The following FMN2 variants were observed in gnomAD, a reference collection of about 807,000 sequenced individuals.
The protein encoded by FMN2 is formin 2.
FMN2 carries 51 observed loss-of-function variants against 142.3 expected under a neutral mutation model. That is an observed-to-expected ratio of 0.36 (90% CI 0.29 to 0.45). The LOEUF (loss-of-function observed/expected upper bound fraction) is 0.45. FMN2 is among the 20% of genes least tolerant of loss of function. The probability of loss-of-function intolerance (pLI) is 1.00; values close to 1 mark genes in which losing one functional copy is unlikely to be tolerated. For missense variants in FMN2, 1,936 were observed against 2,122.8 expected (o/e 0.91, Z 1.73); for synonymous variants, 882 against 869.8 (o/e 1.01, Z -0.25).
chr1:240,204,627 T>C (rs1666256024), intron 4 of FMN2, among the ~76,000 whole-genome samples: 1 of 152,218 alleles, frequency 6.6e-6, no homozygotes, highest in Non-Finnish European at 1.5e-5. Context: ...GGCACATGCC[T>C]GTAGCCCCAG....
chr1:240,270,857 G>C (rs10926194), intron 7 of FMN2, among the ~76,000 whole-genome samples: 1 of 151,600 alleles, frequency 6.6e-6, no homozygotes, highest in Non-Finnish European at 1.5e-5. Flanking sequence ...GATGGGGAAA[G>C]GGGAGACTTG....
chr1:240,296,672 G>GT (rs11380505), intron 8 of FMN2, among the ~76,000 whole-genome samples: 30,361 of 143,876 alleles, frequency 0.21, 3,270 homozygotes, highest in Admixed American at 0.33. Flanking sequence ...CTTGAGTTTG[G>GT]TTTTTTTTTT....
intron 14 of FMN2, among the ~76,000 whole-genome samples, chr1:240,391,434 C>T (rs954958202): frequency 8.2e-6 from 1 of 121,282 alleles, no homozygotes; most frequent in African/African-American, 2.6e-5. Flanking sequence ...GCACAGTTCC[C>T]ATTTTTTTTA....
At chr1:240,231,533 T>C (rs1007606405) in intron 6 of FMN2, among the ~76,000 whole-genome samples, 8 of 152,212 alleles carry the variant, frequency 5.3e-5, no homozygotes, top group African/African-American at 1.7e-4. Context: ...TTTATTTAAC[T>C]AGGAGGAAAA....
chr1:240,227,759 G>T (rs539287309), intron 6 of FMN2, among the ~76,000 whole-genome samples: 28 of 152,198 alleles, frequency 1.8e-4, no homozygotes, highest in South Asian at 1.7e-3. Flanking sequence ...AAAAGAATGA[G>T]ATTAGGCAAT....
At chr1:240,154,010 G>A (rs1663900975) in intron 2 of FMN2, among the ~76,000 whole-genome samples, 1 of 149,600 alleles carries the variant, frequency 6.7e-6, no homozygotes, top group Non-Finnish European at 1.5e-5. Context: ...CAGCTACTCC[G>A]GAGGCAGGAG....
At position 240,207,461 on chromosome 1, in the gene FMN2, C is replaced by T. The variant is rs1666410783; in HGVS notation, c.2649C>T (p.Leu883=). The change falls in exon 5 of 18, where the codon CTC becomes CTT. Residue 883 remains leucine, a synonymous_variant. Transcript: ENST00000319653. Reference sequence around the variant, plus strand: ...TGGTGCCTCCCCCACCTCCCCCTCTCCCTGGCATGACAGTGCCTACTCTGC... The same window carrying T: ...TGGTGCCTCCCCCACCTCCCCCTCTTCCTGGCATGACAGTGCCTACTCTGC... ...LGMVPPPPPP[L]PGMTVPTLPS... is the part of the protein sequence containing the mutation. The T allele has an allele frequency of 6.2e-7, 1 of 1,612,960 alleles. No homozygotes were observed. Among genetic ancestry groups the T allele is most frequent in the Non-Finnish European group, 8.5e-7 (1 of 1,179,560 alleles).
intron 2 of FMN2, among the ~76,000 whole-genome samples, chr1:240,124,064 G>A (rs10926134): frequency 0.25 from 37,285 of 152,066 alleles, 5,556 homozygotes; most frequent in Non-Finnish European, 0.34. Context: ...TTGTTTATAC[G>A]TTCATCCATC....
chr1:240,268,877 C>T (rs1668899980), intron 7 of FMN2, among the ~76,000 whole-genome samples: 1 of 151,896 alleles, frequency 6.6e-6, no homozygotes, highest in Admixed American at 6.6e-5. Flanking sequence ...ATCCTTTGCC[C>T]ATTTTCAATA....
At chr1:240,113,419 C>T (rs1661891463) in intron 1 of FMN2, among the ~76,000 whole-genome samples, 1 of 151,826 alleles carries the variant, frequency 6.6e-6, no homozygotes, top group Non-Finnish European at 1.5e-5. Flanking sequence ...CAAAAATTGG[C>T]CAGGCATAGT....
intron 4 of FMN2, among the ~76,000 whole-genome samples, chr1:240,205,683 G>A (rs1182407953): frequency 2.6e-5 from 4 of 151,218 alleles, no homozygotes; most frequent in African/African-American, 7.3e-5. Flanking sequence ...GGATTGCCTC[G>A]ATCTCCTGAC....
chr1:240,245,936 T>C (rs1170242680), intron 6 of FMN2, among the ~76,000 whole-genome samples: 2 of 150,498 alleles, frequency 1.3e-5, no homozygotes, highest in Admixed American at 1.3e-4. Flanking sequence ...ATCCAGGCAC[T>C]TGGGGAGGCC....
chr1:240,438,392 A>G (rs1366175740), intron 16 of FMN2, among the ~76,000 whole-genome samples, 182 bp downstream of exon 16: 2 of 152,220 alleles, frequency 1.3e-5, no homozygotes, highest in Admixed American at 6.5e-5. Context: ...GAGTCAGCAC[A>G]GAAGCTGGGA....
At chr1:240,202,153 C>G (rs1666150012) in intron 4 of FMN2, among the ~76,000 whole-genome samples, 1 of 152,078 alleles carries the variant, frequency 6.6e-6, no homozygotes, top group Non-Finnish European at 1.5e-5. Context: ...TGTAGTTTTT[C>G]TTTGTATTTC....
chr1:240,312,937 C>T (rs1168196364), intron 8 of FMN2, among the ~76,000 whole-genome samples: 2 of 152,190 alleles, frequency 1.3e-5, no homozygotes, highest in African/African-American at 2.4e-5. Context: ...ATGCAAAAGA[C>T]TTAAGAGATT....
rs1558126692 is a variant in FMN2, at chr1:240,473,375, A to T, written c.5143-753A>T. Among the ~76,000 whole-genome samples, 1 of 152,168 alleles carries T rather than the reference A, an allele frequency of 6.6e-6. No individual in the cohort carries two copies. Among genetic ancestry groups the T allele is most frequent in the Non-Finnish European group, 1.5e-5 (1 of 68,022 alleles). On this transcript the variant is annotated intron_variant, in intron 17 of 17. Coordinates refer to ENST00000319653, the MANE Select transcript of FMN2 (RefSeq NM_020066.5). The surrounding 1 kb of genome is among the most constrained non-coding windows in gnomAD (Gnocchi z 4.3). ...AAATGACAAGGCTTTTCCTTGTGAT[A>T]CTGAGGATGTTTTGTTGACTGTTTT...
In FMN2 at chr1:240,333,046, G is replaced by A. The variant is rs533349304; in HGVS notation, c.4585-841G>A. Among the ~76,000 whole-genome samples, 17 of 152,184 alleles carry A rather than the reference G, an allele frequency of 1.1e-4. No homozygotes were observed. In the South Asian group the frequency reaches 3.1e-3, roughly 28 times the overall value. ...TTTTACAAATATAGAAAAAATCGTG[G>A]TTATATTAAACATTCCAGAGAATGT... On this transcript the variant is annotated intron_variant, in intron 11 of 17. Transcript: ENST00000319653.
At chr1:240,288,250 C>T (rs978808419) in intron 7 of FMN2, among the ~76,000 whole-genome samples, 8 of 152,136 alleles carry the variant, frequency 5.3e-5, no homozygotes, top group African/African-American at 1.7e-4. Context: ...TCTCACACGT[C>T]TCTGTATATC....
chr1:240,456,031 A>G (rs1460881377), intron 16 of FMN2, among the ~76,000 whole-genome samples: 1 of 151,950 alleles, frequency 6.6e-6, no homozygotes, highest in East Asian at 1.9e-4. Flanking sequence ...AGAAAAGGTA[A>G]GAGCGACATG....
Sources: gnomAD v4.1 joint callset for allele counts (sites outside exome capture counted in the v4.1 genomes callset) on GRCh38, gnomAD v4.1.1 for gene constraint, Gnocchi (gnomAD v3.1) non-coding constraint, MANE v1.5 for transcripts, NCBI Gene and HGNC (gene_info 2026-07-23, HGNC 2026-07-21) for gene names.